The following ZNF845 variants were observed in gnomAD, a reference collection of about 807,000 sequenced individuals.
The protein encoded by ZNF845 is zinc finger protein 845.
ZNF845 carries 59 observed loss-of-function variants against 76.1 expected under a neutral mutation model. The observed-to-expected ratio is 0.78, with a 90% CI of 0.63 to 0.96. The LOEUF (loss-of-function observed/expected upper bound fraction) is 0.96. Ranked by LOEUF, ZNF845 falls within the 40% of genes least tolerant of loss-of-function variation. ZNF845 has a pLI of 0.00. For missense variants in ZNF845, 1,045 were observed against 1,172.8 expected (o/e 0.89, Z 1.59); for synonymous variants, 361 against 386.9 (o/e 0.93, Z 0.78).
rs2085364007 is a variant in ZNF845, at chr19:53,353,757, A to G, written c.*169A>G. 2.0e-6 allele frequency: 3 copies of G among 1,523,064 alleles called. No individual in the cohort carries two copies. Among genetic ancestry groups the G allele is most frequent in the East Asian group, 4.5e-5 (2 of 44,418 alleles). 94.3% of individuals were successfully genotyped at this position (1,523,064 alleles called of 1,614,324 possible). On this transcript the variant is annotated 3_prime_UTR_variant, in exon 4 of 4. Coordinates refer to ENST00000458035, the MANE Select transcript of ZNF845 (RefSeq NM_138374.3). ...AGTCACACTGGAGAGAAACCTTACA[A>G]GTGTACTGAGTGTGGCAAAGCCTTT...
intron 2 of ZNF845, among the ~76,000 whole-genome samples, chr19:53,345,034 G>T (rs60069504): frequency 0.12 from 18,400 of 152,074 alleles, 1,150 homozygotes; most frequent in Middle Eastern, 0.21. Context: ...AAAGGTATAA[G>T]AAGGCCGGTG....
chr19:53,341,111 TG>T, intron 1 of ZNF845, 123 bp from the exon 2 acceptor site: 1 of 932,054 alleles, frequency 1.1e-6, no homozygotes, highest in Non-Finnish European at 1.6e-6. Context: ...TTATCGTCCC[TG>T]GTACAGTGGG....
chr19:53,334,501 CAA>C (rs1177624591), intron 1 of ZNF845, among the ~76,000 whole-genome samples: 1 of 151,362 alleles, frequency 6.6e-6, no homozygotes, highest in African/African-American at 2.4e-5. Flanking sequence ...CAAAACAAAA[CAA>C]AAAACAGCAG....
rs371140792 is a variant in ZNF845 at position 53,352,649 on chromosome 19, T to G, written c.1974T>G (p.Thr658=). The change falls in exon 4 of 4, where the codon ACT becomes ACG. Residue 658 remains threonine (T), a synonymous_variant. Coordinates refer to ENST00000458035, the MANE Select transcript of ZNF845 (RefSeq NM_138374.3). Reference sequence around the variant, plus strand: ...TTCAAAGACATAGGAGAATTCATACTGGAGAGAAACCTTACAGGTGTAATG... The same window carrying G: ...TTCAAAGACATAGGAGAATTCATACGGGAGAGAAACCTTACAGGTGTAATG... ...SNLQRHRRIH[T]GEKPYRCNEC... is the part of the protein sequence containing the mutation. 47 of 1,613,728 alleles carry G rather than the reference T, an allele frequency of 2.9e-5. No individual in the cohort carries two copies. The East Asian group carries it at 9.8e-4, about 34-fold the overall frequency.
rs2147046369 is a variant in ZNF845 at position 53,351,345 on chromosome 19, T to A, written c.670T>A (p.Phe224Ile). 2 of 1,614,230 alleles carry A rather than the reference T, an allele frequency of 1.2e-6. No individual in the cohort carries two copies. The highest frequency in any genetic ancestry group is 4.5e-5 in the East Asian group (2 of 44,886). The change falls in exon 4 of 4, where the codon TTT becomes ATT. Residue 224 changes from phenylalanine (F) to isoleucine (I), a missense_variant. Transcript: ENST00000458035. ...SFQCNESGKAFNYSSVLRKHQ... is the reference protein window; with the variant it reads ...SFQCNESGKAINYSSVLRKHQ... ...CCAATGTAATGAGAGTGGCAAAGCCTTTAATTATAGCTCAGTCTTAAGGAA... is the reference window on the plus strand; with the variant it reads ...CCAATGTAATGAGAGTGGCAAAGCCATTAATTATAGCTCAGTCTTAAGGAA...
At chr19:53,350,728 A>G in intron 3 of ZNF845, 90 bp from the exon 4 acceptor site, 1 of 1,477,576 alleles carries the variant, frequency 6.8e-7, no homozygotes, top group Non-Finnish European at 9.1e-7. Flanking sequence ...AGTTTAAAAT[A>G]AGTATTGTTT....
At chr19:53,346,449 G>A (rs1568738073) in intron 3 of ZNF845, 2 of 351,494 alleles carry the variant, frequency 5.7e-6, no homozygotes, top group Non-Finnish European at 1.1e-5. Context: ...GGGAGGCCGA[G>A]GCAGGCAAAT....
rs773425532 is a variant in ZNF845 at position 53,352,921 on chromosome 19, G to A, written c.2246G>A (p.Cys749Tyr). The A allele has an allele frequency of 6.2e-6, 10 of 1,613,986 alleles. No homozygotes were observed. In the East Asian group the frequency reaches 1.8e-4, roughly 29 times the overall value. Residue 749 changes from cysteine (C) to tyrosine (Y), a missense_variant, in exon 4 of 4, where the codon TGT becomes TAT. Physicochemically the swap from Cys to Tyr is radical, Grantham distance 194. Coordinates refer to ENST00000458035, the MANE Select transcript of ZNF845 (RefSeq NM_138374.3). ...RLHTGEKPYK[C>Y]EECDKVFSRK... is the part of the protein sequence containing the mutation. ...CATACTGGAGAGAAACCTTACAAAT[G>A]TGAAGAATGTGACAAAGTTTTCAGT... is the stretch of plus-strand genomic sequence containing the variant.
At position 53,350,875 on chromosome 19, in the gene ZNF845, A is replaced by C; in HGVS notation, c.200A>C (p.Glu67Ala). 1 of 1,614,112 alleles carries C rather than the reference A, an allele frequency of 6.2e-7. No homozygotes were observed. Among genetic ancestry groups the C allele is most frequent in the Non-Finnish European group, 8.5e-7 (1 of 1,180,024 alleles). Residue 67 changes from glutamate (E) to alanine (A), a missense_variant, in exon 4 of 4, where the codon GAA (glutamate) becomes GCA (alanine). Glu to Ala is a moderately radical substitution (Grantham distance 107, BLOSUM62 -1). Coordinates refer to ENST00000458035, the MANE Select transcript of ZNF845 (RefSeq NM_138374.3). ...EFSSTAQGNT[E>A]VIHTGTLQRH... ...TCATCAACAGCACAAGGCAATACAGAAGTGATCCACACAGGGACATTGCAA... is the reference window on the plus strand; with the variant it reads ...TCATCAACAGCACAAGGCAATACAGCAGTGATCCACACAGGGACATTGCAA...
In ZNF845 at chr19:53,353,389, A is replaced by G. The variant is rs199526527; in HGVS notation, c.2714A>G (p.His905Arg). The G allele has an allele frequency of 5.8e-4, 930 of 1,613,606 alleles. No homozygotes were observed. The highest frequency in any genetic ancestry group is 7.4e-4 in the Non-Finnish European group (878 of 1,179,844). The change falls in exon 4 of 4, where the codon CAT (histidine) becomes CGT (arginine). Residue 905 changes from histidine to arginine, a missense_variant. By Grantham distance (29) the His-to-Arg change is conservative. Coordinates refer to ENST00000458035, the MANE Select transcript of ZNF845 (RefSeq NM_138374.3). ...VFNQQAHLACHHRIHTGEKPY... is the reference protein window; with the variant it reads ...VFNQQAHLACRHRIHTGEKPY... ...AATCAACAAGCACACCTTGCATGTC[A>G]TCATAGAATTCATACTGGAGAGAAA...
At chr19:53,348,115 C>T (rs1178244015) in intron 3 of ZNF845, among the ~76,000 whole-genome samples, 1 of 152,044 alleles carries the variant, frequency 6.6e-6, no homozygotes, top group African/African-American at 2.4e-5. Context: ...CACTTGAACC[C>T]AGGAGGTGGA....
At chr19:53,341,437 C>G in intron 2 of ZNF845, 115 bp downstream of exon 2, 1 of 1,452,728 alleles carries the variant, frequency 6.9e-7, no homozygotes, top group East Asian at 2.3e-5. Flanking sequence ...TTTGCTCGCA[C>G]TCACCCATGC....
intron 1 of ZNF845, among the ~76,000 whole-genome samples, chr19:53,340,295 G>C (rs1240520429): frequency 4.6e-5 from 7 of 152,172 alleles, no homozygotes; most frequent in Non-Finnish European, 1.0e-4. Flanking sequence ...CAAGTGATCT[G>C]TCCGCTTTGG....
chr19:53,352,031 G>C lies in ZNF845; in HGVS notation c.1356G>C (p.Ser452=), dbSNP rs757345020. Residue 452 remains serine, a synonymous_variant, in exon 4 of 4, where the codon TCG becomes TCC. Coordinates refer to ENST00000458035, the MANE Select transcript of ZNF845 (RefSeq NM_138374.3). ...GTGATGAAGCTTTCAGTTTCAAATC[G>C]AACCTTGAAAGACATAGGAGAATTC... ...EECDEAFSFK[S]NLERHRRIHT... The C allele has an allele frequency of 6.7e-7, 1 of 1,495,770 alleles. No individual in the cohort carries two copies. The highest frequency in any genetic ancestry group is 8.9e-7 in the Non-Finnish European group (1 of 1,120,912). The allele number at this position is 1,495,770 out of a possible 1,614,324, so 92.7% of individuals were successfully genotyped here.
In ZNF845 at chr19:53,352,235, G is replaced by A. The variant is rs1337885980; in HGVS notation, c.1560G>A (p.Glu520=). 1.2e-6 allele frequency: 2 copies of A among 1,613,682 alleles called. No individual in the cohort carries two copies. Among genetic ancestry groups the A allele is most frequent in the African/African-American group, 2.7e-5 (2 of 74,854 alleles). The change falls in exon 4 of 4, where the codon GAG becomes GAA. Residue 520 remains glutamate (E), a synonymous_variant. Coordinates refer to ENST00000458035, the MANE Select transcript of ZNF845 (RefSeq NM_138374.3). ...GACATAGGATAATTCATACTGGAGA[G>A]AAACTTTACAAGTGTAATGAATGTG... The part of the protein sequence containing the change: ...LERHRIIHTG[E]KLYKCNECGK...
At position 53,351,821 on chromosome 19, in the gene ZNF845, T is replaced by C; in HGVS notation, c.1146T>C (p.Pro382=). Residue 382 remains proline, a synonymous_variant, in exon 4 of 4, where the codon CCT becomes CCC. Coordinates refer to ENST00000458035, the MANE Select transcript of ZNF845 (RefSeq NM_138374.3). Reference sequence around the variant, plus strand: ...GGAAAATTCATACTGGAGAGAAACCTTACAAGTGTAATGAATGCAGCAGGA... The same window carrying C: ...GGAAAATTCATACTGGAGAGAAACCCTACAAGTGTAATGAATGCAGCAGGA... ...RHRKIHTGEK[P]YKCNECSRTF... 6.2e-7 allele frequency: 1 copy of C among 1,613,460 alleles called. No homozygotes were observed. Among genetic ancestry groups the C allele is most frequent in the Non-Finnish European group, 8.5e-7 (1 of 1,179,898 alleles).
rs2085350200 is a variant in ZNF845 at position 53,352,693 on chromosome 19, G to T, written c.2018G>T (p.Ser673Ile). The T allele has an allele frequency of 6.2e-7, 1 of 1,613,796 alleles. No homozygotes were observed. The highest frequency in any genetic ancestry group is 1.3e-5 in the African/African-American group (1 of 74,860). Reference sequence around the variant, plus strand: ...TGTAATGAATGTGGCAAGACCTTTAGTCGGAAGTCATACCTTACATGCCAT... The same window carrying T: ...TGTAATGAATGTGGCAAGACCTTTATTCGGAAGTCATACCTTACATGCCAT... ...YRCNECGKTF[S>I]RKSYLTCHRR... Residue 673 changes from serine to isoleucine, a missense_variant, in exon 4 of 4, where the codon AGT (serine) becomes ATT (isoleucine). Physicochemically the swap from Ser to Ile is moderately radical, Grantham distance 142 (BLOSUM62 -2). Coordinates refer to ENST00000458035, the MANE Select transcript of ZNF845 (RefSeq NM_138374.3).
chr19:53,341,436 A>T, intron 2 of ZNF845, 114 bp downstream of exon 2: 1 of 1,470,228 alleles, frequency 6.8e-7, no homozygotes, highest in Middle Eastern at 1.8e-4. Flanking sequence ...GTTTGCTCGC[A>T]CTCACCCATG....
rs1568740738 is a variant in ZNF845, at chr19:53,351,112, C to CG, written c.438dup (p.His147AlafsTer4). Reference sequence around the variant, plus strand: ...GATCAGCTTGGATCAAGCTTTCATTCGCATCTGCCTGAACTCCACATGTTT... The same window carrying CG: ...GATCAGCTTGGATCAAGCTTTCATTCGGCATCTGCCTGAACTCCACATGTTT... On this transcript the variant is annotated frameshift_variant, in exon 4 of 4. Coordinates refer to ENST00000458035, the MANE Select transcript of ZNF845 (RefSeq NM_138374.3). LOFTEE classifies it high-confidence loss of function. The CG allele has an allele frequency of 6.2e-7, 1 of 1,614,146 alleles. No individual in the cohort carries two copies. The highest frequency in any genetic ancestry group is 8.5e-7 in the Non-Finnish European group (1 of 1,180,032).
Sources: allele counts gnomAD v4.1 joint callset (sites outside exome capture counted in the v4.1 genomes callset), GRCh38; gene constraint gnomAD v4.1.1; transcripts MANE v1.5; gene names NCBI Gene and HGNC (gene_info 2026-07-23, HGNC 2026-07-21).